The following TTC34 variants were observed in gnomAD, a reference collection of about 807,000 sequenced individuals.
TTC34 encodes the protein tetratricopeptide repeat domain 34.
Under a neutral mutation model 40.7 loss-of-function variants are expected in TTC34, and 44 were observed. That is an observed-to-expected ratio of 1.08 (90% confidence interval 0.85 to 1.39). TTC34 has a LOEUF of 1.39. Among genes scored for constraint, TTC34 ranks in the 40% most tolerant of loss-of-function variants. TTC34 has a pLI of 0.00. For missense variants in TTC34, 884 were observed against 838.0 expected, an observed-to-expected ratio of 1.05 and a Z score of -0.68; for synonymous variants, 422 against 398.6, an observed-to-expected ratio of 1.06 and a Z score of -0.70.
chr1:2,643,162 C>A (rs970313202), intron 8 of TTC34, among the ~76,000 whole-genome samples: 7 of 152,306 alleles, frequency 4.6e-5, no homozygotes, highest in Non-Finnish European at 8.8e-5. Context: ...CTCAATCCGA[C>A]CCCAGACTCC....
At chr1:2,758,231 AC>A (rs1641570951) in intron 6 of TTC34, among the ~76,000 whole-genome samples, 3 of 98,816 alleles carry the variant, frequency 3.0e-5, no homozygotes, top group Non-Finnish European at 2.0e-5. Context: ...AACAGCACAC[AC>A]ACCCCCAGGC....
At chr1:2,767,868 C>T (rs1438582136) in intron 6 of TTC34, among the ~76,000 whole-genome samples, 1 of 149,618 alleles carries the variant, frequency 6.7e-6, no homozygotes, top group East Asian at 2.0e-4. Flanking sequence ...CATCTGACAG[C>T]CTGAAACAGC....
chr1:2,653,252 G>T (rs1299927674), intron 6 of TTC34, among the ~76,000 whole-genome samples: 25 of 142,214 alleles, frequency 1.8e-4, no homozygotes, highest in African/African-American at 6.6e-4. Flanking sequence ...CACATGCCCA[G>T]GTGAGCCTCT....
intron 6 of TTC34, among the ~76,000 whole-genome samples, chr1:2,760,536 C>T (rs1286055430): frequency 1.8e-4 from 8 of 44,272 alleles, no homozygotes; most frequent in Admixed American, 1.4e-3. Flanking sequence ...CCCAGGTGAG[C>T]ATCTGACAGC....
intron 6 of TTC34, among the ~76,000 whole-genome samples, chr1:2,750,171 C>T (rs1328498856): frequency 1.6e-4 from 21 of 135,438 alleles, no homozygotes; most frequent in African/African-American, 3.3e-4. Context: ...CACCCCCAGG[C>T]GAGCATCTGA....
At chr1:2,756,568 C>A (rs1430587333) in intron 6 of TTC34, among the ~76,000 whole-genome samples, 1 of 144,280 alleles carries the variant, frequency 6.9e-6, no homozygotes, top group Non-Finnish European at 1.5e-5. Flanking sequence ...CATCTGACAG[C>A]CTGAAGCAGC....
intron 7 of TTC34, 69 bp from the exon 8 acceptor site, chr1:2,644,547 C>T: frequency 7.0e-7 from 1 of 1,433,380 alleles, no homozygotes; most frequent in Non-Finnish European, 9.4e-7. Context: ...CTGAGACTCG[C>T]TGGCCGCTCC....
chr1:2,647,473 A>G (rs920036211), intron 6 of TTC34, among the ~76,000 whole-genome samples: 1 of 152,128 alleles, frequency 6.6e-6, no homozygotes, highest in Non-Finnish European at 1.5e-5. Context: ...AAATACAATA[A>G]AAATACAAAA....
intron 6 of TTC34, among the ~76,000 whole-genome samples, chr1:2,767,803 A>C (rs1343454944): frequency 7.1e-6 from 1 of 140,742 alleles, no homozygotes; most frequent in African/African-American, 2.6e-5. Context: ...GGCAGCACCC[A>C]CACTCCCAGG....
intron 5 of TTC34, 73 bp from the exon 6 acceptor site, chr1:2,783,848 C>G (rs578022788): frequency 2.1e-5 from 28 of 1,325,714 alleles, no homozygotes; most frequent in Non-Finnish European, 2.6e-5. Context: ...CTGCCCAGCC[C>G]GGGGAGGGCA....
At chr1:2,783,917 A>G in intron 5 of TTC34, 142 bp from the exon 6 acceptor site, 1 of 739,052 alleles carries the variant, frequency 1.4e-6, no homozygotes, top group African/African-American at 1.8e-5. Context: ...GGGCACCAAG[A>G]CAGACAGAGA....
At chr1:2,799,723 C>T (rs987569377) in intron 2 of TTC34, among the ~76,000 whole-genome samples, 4 of 152,108 alleles carry the variant, frequency 2.6e-5, no homozygotes, top group Admixed American at 6.5e-5. Flanking sequence ...GCAGGGGGAG[C>T]CCAAGCTCTT....
At chr1:2,781,170 T>G (rs4648459) in intron 6 of TTC34, among the ~76,000 whole-genome samples, 97,790 of 151,926 alleles carry the variant, frequency 0.64, 32,398 homozygotes, top group African/African-American at 0.81. Flanking sequence ...TGTGCAACCC[T>G]CGTACACAGA....
intron 6 of TTC34, among the ~76,000 whole-genome samples, chr1:2,694,943 C>A (rs1410526423): frequency 7.6e-4 from 110 of 144,426 alleles, no homozygotes; most frequent in Admixed American, 1.3e-3. Flanking sequence ...CCTTGAGCAG[C>A]ACCCACACCC....
intron 6 of TTC34, among the ~76,000 whole-genome samples, chr1:2,653,607 C>A (rs1436081979): frequency 7.3e-6 from 1 of 136,064 alleles, no homozygotes; most frequent in African/African-American, 2.8e-5. Flanking sequence ...CAGCACCCTA[C>A]ACCCACAAGT....
intron 6 of TTC34, among the ~76,000 whole-genome samples, chr1:2,647,915 A>C (rs1639052007): frequency 6.6e-6 from 1 of 151,916 alleles, no homozygotes; most frequent in South Asian, 2.1e-4. Flanking sequence ...CTGCTTTGGC[A>C]GTTTCCAATC....
intron 6 of TTC34, among the ~76,000 whole-genome samples, chr1:2,765,673 T>C (rs1207839367): frequency 3.5e-3 from 31 of 8,966 alleles, no homozygotes; most frequent in Admixed American, 4.9e-3. Context: ...ACAGCACCCA[T>C]ACCCCCAGGC....
exon 5 of TTC34, chr1:2,785,916 C>A (rs879884449): frequency 7.8e-6 from 12 of 1,535,222 alleles, no homozygotes; most frequent in Non-Finnish European, 9.7e-6. Flanking sequence ...TGGCCAGGGC[C>A]CTGGCGTGGC....
exon 9 of TTC34, chr1:2,641,865 C>G: frequency 6.7e-7 from 1 of 1,500,554 alleles, no homozygotes; most frequent in Non-Finnish European, 8.9e-7. Context: ...TGCCCTGCGT[C>G]CAGGAGGGTG....
Sources: gnomAD v4.1 joint callset for allele counts (sites outside exome capture counted in the v4.1 genomes callset) on GRCh38, gnomAD v4.1.1 for gene constraint, MANE v1.5 for transcripts, NCBI Gene and HGNC (gene_info 2026-07-23, HGNC 2026-07-21) for gene names.